The following PTK6 variants were observed in gnomAD, a reference collection of about 807,000 sequenced individuals.
The protein encoded by PTK6 is protein-tyrosine kinase 6.
Under a neutral mutation model 47.5 loss-of-function variants are expected in PTK6, and 47 were observed. That is an observed-to-expected ratio of 0.99 (90% CI 0.78 to 1.26). The LOEUF is 1.26. Among genes scored for constraint, PTK6 ranks in the 50% most tolerant of loss-of-function variants. PTK6 has a pLI of 0.00. For synonymous variants in PTK6, 287 were observed against 276.5 expected (o/e 1.04, Z -0.38); for missense variants, 618 against 625.3 (o/e 0.99, Z 0.12).
Position 63,529,407 on chromosome 20 carries a change from T to G in PTK6, c.*129A>C. ...GTGTATTGGACGCAGACACTCCACA[T>G]TTGTGAACCTTTCCTGCACCCATCA... On this transcript the variant is annotated 3_prime_UTR_variant, in exon 8 of 8. Transcript: ENST00000542869. The surrounding 1 kb of genome is among the most constrained non-coding windows in gnomAD (Gnocchi z 5.6). The G allele has an allele frequency of 2.9e-6, 3 of 1,046,396 alleles. No homozygotes were observed. Among genetic ancestry groups the G allele is most frequent in the Non-Finnish European group, 2.7e-6 (2 of 754,532 alleles). 64.8% of individuals were successfully genotyped at this position (1,046,396 alleles called of 1,614,324 possible).
In PTK6 at chr20:63,530,266, G is replaced by A; in HGVS notation, c.1015-35C>T. On this transcript the variant is annotated intron_variant, in intron 6 of 7. Coordinates refer to ENST00000542869, the MANE Select transcript of PTK6 (RefSeq NM_005975.4). This position sits in a 1 kb window ranked among gnomAD's most constrained non-coding sequence, Gnocchi z 4.1. Reference sequence around the variant, plus strand: ...GCCTGGAGCTGAGTGGGCCGTGGGGGCTGCCTGTGCCCTGCCCCCGAAGCA... The same window carrying A: ...GCCTGGAGCTGAGTGGGCCGTGGGGACTGCCTGTGCCCTGCCCCCGAAGCA... The A allele has an allele frequency of 2.5e-6, 4 of 1,608,490 alleles. No homozygotes were observed. Among genetic ancestry groups the A allele is most frequent in the Non-Finnish European group, 3.4e-6 (4 of 1,176,158 alleles).
intron 5 of PTK6, among the ~76,000 whole-genome samples, 175 bp downstream of exon 5, chr20:63,532,351 G>C (rs547261967): frequency 0.13 from 18,956 of 150,430 alleles, 3,786 homozygotes; most frequent in African/African-American, 0.43. Flanking sequence ...GTGTGCATGT[G>C]TGTCTGTGCG....
intron 1 of PTK6, 114 bp downstream of exon 1, chr20:63,536,971 A>G: frequency 2.7e-6 from 3 of 1,122,748 alleles, no homozygotes; most frequent in Non-Finnish European, 3.8e-6. Context: ...GTGCAGGAAG[A>G]TGGAACCGGG....
In PTK6 at chr20:63,528,714, A is replaced by G. The variant is rs2082594580; in HGVS notation, c.*822T>C. On this transcript the variant is annotated 3_prime_UTR_variant, in exon 8 of 8. Coordinates refer to ENST00000542869, the MANE Select transcript of PTK6 (RefSeq NM_005975.4). Reference sequence around the variant, plus strand: ...AGGCATGAGCCACCGTGCCCCGCCTATTCTTCTTTTAAACCAAAAAAACTT... The same window carrying G: ...AGGCATGAGCCACCGTGCCCCGCCTGTTCTTCTTTTAAACCAAAAAAACTT... The G allele has an allele frequency of 6.6e-6, 1 of 152,178 alleles. No homozygotes were observed. Among genetic ancestry groups the G allele is most frequent in the African/African-American group, 2.4e-5 (1 of 41,452 alleles). The allele number at this position is 152,178 out of a possible 1,614,324, so 9.4% of individuals were successfully genotyped here.
In PTK6 at chr20:63,530,560, G is replaced by A. The variant is rs1475242052; in HGVS notation, c.1014+186C>T. 6.6e-6 allele frequency among the ~76,000 whole-genome samples: 1 copy of A among 152,138 alleles called. No individual in the cohort carries two copies. The highest frequency in any genetic ancestry group is 1.5e-5 in the Non-Finnish European group (1 of 67,998). Reference sequence around the variant, plus strand: ...GGCTGCGTGGTGGGCCCTGCTGTGCGTGCCATTCAGAATGGGGGCCCCACC... The same window carrying A: ...GGCTGCGTGGTGGGCCCTGCTGTGCATGCCATTCAGAATGGGGGCCCCACC... On this transcript the variant is annotated intron_variant, in intron 6 of 7. Transcript: ENST00000542869. The surrounding 1 kb of genome is among the most constrained non-coding windows in gnomAD (Gnocchi z 4.1).
At chr20:63,535,116 C>A (rs1185857582) in intron 1 of PTK6, 57 bp from the exon 2 acceptor site, 2 of 1,524,980 alleles carry the variant, frequency 1.3e-6, no homozygotes, top group Non-Finnish European at 1.8e-6. Context: ...GTGGACCCCA[C>A]GCTGGCCCCA....
At chr20:63,536,445 C>G (rs1239075303) in intron 1 of PTK6, among the ~76,000 whole-genome samples, 1 of 150,666 alleles carries the variant, frequency 6.6e-6, no homozygotes, top group Non-Finnish European at 1.5e-5. Flanking sequence ...TAACCCTACA[C>G]AGCCTGTGAC....
In PTK6 at chr20:63,529,419, T is replaced by C. The variant is rs2082600893; in HGVS notation, c.*117A>G. ...CAGACACTCCACATTTGTGAACCTT[T>C]CCTGCACCCATCACCTCAGTAAACC... On this transcript the variant is annotated 3_prime_UTR_variant, in exon 8 of 8. Coordinates refer to ENST00000542869, the MANE Select transcript of PTK6 (RefSeq NM_005975.4). This position sits in a 1 kb window ranked among gnomAD's most constrained non-coding sequence, Gnocchi z 5.6. The C allele has an allele frequency of 8.6e-7, 1 of 1,162,236 alleles. No homozygotes were observed. The highest frequency in any genetic ancestry group is 1.6e-5 in the African/African-American group (1 of 63,830). 72.0% of individuals were successfully genotyped at this position (1,162,236 alleles called of 1,614,324 possible). A position where few individuals can be genotyped will look rare whatever the true frequency, so the allele number is the denominator to read the frequency against.
chr20:63,532,047 C>T (rs1323362927), intron 5 of PTK6, among the ~76,000 whole-genome samples: 1 of 152,232 alleles, frequency 6.6e-6, no homozygotes, highest in Non-Finnish European at 1.5e-5. Flanking sequence ...CATTCCCTGG[C>T]AGCGATTGTC....
At position 63,530,905 on chromosome 20, in the gene PTK6, G is replaced by C. The variant is rs758575605; in HGVS notation, c.855C>G (p.Pro285=). ...LLRDSDEKVL[P]VSELLDIAWQ... is the part of the protein sequence containing the mutation. The stretch of plus-strand genomic sequence containing the variant: ...AGGCGATGTCCAGCAGCTCCGAAAC[G>C]GGCAGGACTTTCTCATCAGAGTCTG... Residue 285 remains proline (P), a synonymous_variant, in exon 6 of 8, where the codon CCC becomes CCG. Coordinates refer to ENST00000542869, the MANE Select transcript of PTK6 (RefSeq NM_005975.4). The surrounding 1 kb of genome is among the most constrained non-coding windows in gnomAD (Gnocchi z 4.1). 3 of 1,611,958 alleles carry C rather than the reference G, an allele frequency of 1.9e-6. No homozygotes were observed. Among genetic ancestry groups the C allele is most frequent in the Non-Finnish European group, 2.5e-6 (3 of 1,179,188 alleles).
rs1202970212 is a variant in PTK6, at chr20:63,533,930, G to C, written c.516+222C>G. Among the ~76,000 whole-genome samples the C allele has an allele frequency of 6.6e-6, 1 of 152,142 alleles. No homozygotes were observed. The highest frequency in any genetic ancestry group is 1.5e-5 in the Non-Finnish European group (1 of 68,020). On this transcript the variant is annotated intron_variant, in intron 3 of 7. Coordinates refer to ENST00000542869, the MANE Select transcript of PTK6 (RefSeq NM_005975.4). The surrounding 1 kb of genome is among the most constrained non-coding windows in gnomAD (Gnocchi z 4.0). ...GCCAGGACCCTGCAGAGTGCCGCTG[G>C]CCTCTCCGAGAGTGGCCAGGCCCGG...
At chr20:63,532,778 A>C in intron 4 of PTK6, 91 bp from the exon 5 acceptor site, 1 of 1,490,948 alleles carries the variant, frequency 6.7e-7, no homozygotes, top group Non-Finnish European at 9.0e-7. Flanking sequence ...CACAGCAGCC[A>C]TCACACCCAG....
rs1179381869 is a variant in PTK6 at position 63,530,290 on chromosome 20, C to T, written c.1015-59G>A. ...GGCTGCCTGTGCCCTGCCCCCGAAG[C>T]ATGGACGGGCACAGCGGCCGCATTG... On this transcript the variant is annotated intron_variant, in intron 6 of 7. Transcript: ENST00000542869. This position sits in a 1 kb window ranked among gnomAD's most constrained non-coding sequence, Gnocchi z 4.1. The T allele has an allele frequency of 1.9e-6, 3 of 1,592,238 alleles. No individual in the cohort carries two copies. Among genetic ancestry groups the T allele is most frequent in the Non-Finnish European group, 2.6e-6 (3 of 1,164,946 alleles).
At position 63,534,322 on chromosome 20, in the gene PTK6, G is replaced by A. The variant is rs1432482764; in HGVS notation, c.353-7C>T. 2 of 1,593,440 alleles carry A rather than the reference G, an allele frequency of 1.3e-6. No homozygotes were observed. The highest frequency in any genetic ancestry group is 1.7e-6 in the Non-Finnish European group (2 of 1,172,504). On this transcript the variant is annotated splice_region_variant and splice_polypyrimidine_tract_variant and intron_variant, in intron 2 of 7. Transcript: ENST00000542869. ...ACAGCCTGCGTGTCCCGCACTGGGAGGGAGAGCGTGAGCTGTGTGGCCACC... is the reference window on the plus strand; with the variant it reads ...ACAGCCTGCGTGTCCCGCACTGGGAAGGAGAGCGTGAGCTGTGTGGCCACC...
In PTK6 at chr20:63,532,450, T is replaced by TGG. The variant is rs11086169; in HGVS notation, c.832+74_832+75dup. On this transcript the variant is annotated intron_variant, in intron 5 of 7. Coordinates refer to ENST00000542869, the MANE Select transcript of PTK6 (RefSeq NM_005975.4). ...GTCTACGTGTGTGTGTGTGTAGACG[T>TGG]GGGGGGGGGGTGTGCACTTTATTTC... The TGG allele has an allele frequency of 6.7e-5, 88 of 1,316,842 alleles. No homozygotes were observed. In the South Asian group the frequency reaches 7.5e-4, roughly 11 times the overall value. The allele number at this position is 1,316,842 out of a possible 1,614,324, so 81.6% of individuals were successfully genotyped here. A position where few individuals can be genotyped will look rare whatever the true frequency, so the allele number is the denominator to read the frequency against.
intron 5 of PTK6, among the ~76,000 whole-genome samples, chr20:63,531,986 CT>C (rs2082625440): frequency 6.6e-6 from 1 of 152,264 alleles, no homozygotes; most frequent in Non-Finnish European, 1.5e-5. Context: ...ACAACGTTCC[CT>C]CCCATTCTAA....
rs1291869539 is a variant in PTK6 at position 63,537,311 on chromosome 20, C to T, written c.4G>A (p.Val2Met). Reference protein sequence around the residue: MVSRDQAHLGPK... With the variant: MMSRDQAHLGPK... ...CCCAGGTGAGCCTGGTCCCGGGACA[C>T]CATGGCGGGCGGGCGCAGCGGCAGG... The change falls in exon 1 of 8, where the codon GTG (valine) becomes ATG (methionine). Residue 2 changes from valine (V) to methionine (M), a missense_variant. Val to Met is a conservative substitution (Grantham distance 21). Coordinates refer to ENST00000542869, the MANE Select transcript of PTK6 (RefSeq NM_005975.4). The T allele has an allele frequency of 6.2e-7, 1 of 1,607,944 alleles. No individual in the cohort carries two copies. The highest frequency in any genetic ancestry group is 1.7e-5 in the Admixed American group (1 of 59,782).
At chr20:63,531,441 T>C (rs9679908) in intron 5 of PTK6, among the ~76,000 whole-genome samples, 3 of 62,934 alleles carry the variant, frequency 4.8e-5, no homozygotes, top group African/African-American at 8.6e-5. Flanking sequence ...AAAAAAAATA[T>C]ATATATATAT....
At position 63,534,242 on chromosome 20, in the gene PTK6, C is replaced by A. The variant is rs762672617; in HGVS notation, c.426G>T (p.Ala142=). Residue 142 remains alanine (A), a synonymous_variant, in exon 3 of 8, where the codon GCG becomes GCT. Transcript: ENST00000542869. The part of the protein sequence containing the change: ...RAGGRLHLNE[A]VSFLSLPELV... ...GCTCGGGCAGGCTGAGGAAGGACAC[C>A]GCCTCGTTCAGGTGCAGCCGGCCCC... 20 of 1,606,484 alleles carry A rather than the reference C, an allele frequency of 1.2e-5. No individual in the cohort carries two copies. In the Admixed American group the frequency reaches 2.0e-4, roughly 16 times the overall value.
Sources: allele counts gnomAD v4.1 joint callset (sites outside exome capture counted in the v4.1 genomes callset), GRCh38; gene constraint gnomAD v4.1.1; non-coding constraint Gnocchi (gnomAD v3.1); transcripts MANE v1.5; gene names NCBI Gene and HGNC (gene_info 2026-07-23, HGNC 2026-07-21).